The following GMDS variants were observed in gnomAD, a reference collection of about 807,000 sequenced individuals.
The protein encoded by GMDS is GDP-mannose 4,6 dehydratase.
Under a neutral mutation model 49.9 loss-of-function variants are expected in GMDS, and 20 were observed. The observed-to-expected ratio is 0.40, with a 90% CI of 0.28 to 0.58. GMDS has a LOEUF of 0.58. GMDS is among the 20% of genes least tolerant of loss of function. The probability of loss-of-function intolerance (pLI) is 0.42; values close to 1 mark genes in which losing one functional copy is unlikely to be tolerated. For missense variants in GMDS, 362 were observed against 481.4 expected, an observed-to-expected ratio of 0.75 and a Z score of 2.32; for synonymous variants, 177 against 178.6, an observed-to-expected ratio of 0.99 and a Z score of 0.07.
chr6:1,797,257 C>T (rs1237200160), intron 7 of GMDS, among the ~76,000 whole-genome samples: 2 of 152,214 alleles, frequency 1.3e-5, no homozygotes, highest in Non-Finnish European at 2.9e-5. Flanking sequence ...ACAGTTTTGT[C>T]ATGAAAGCGT....
At chr6:1,624,364 C>T (rs1581381320) in intron 10 of GMDS, 108 bp downstream of exon 10, 1 of 1,308,520 alleles carries the variant, frequency 7.6e-7, no homozygotes, top group East Asian at 2.4e-5. Flanking sequence ...CGCACCCCGC[C>T]TTCCGGGCTT....
At chr6:1,773,830 G>T (rs1768680794) in intron 7 of GMDS, among the ~76,000 whole-genome samples, 1 of 152,208 alleles carries the variant, frequency 6.6e-6, no homozygotes, top group Non-Finnish European at 1.5e-5. Flanking sequence ...ACATGAAAGG[G>T]TGTAGACTTG....
chr6:1,820,953 T>C (rs1770862481), intron 7 of GMDS, among the ~76,000 whole-genome samples: 1 of 152,176 alleles, frequency 6.6e-6, no homozygotes. Flanking sequence ...GTCACTAACT[T>C]CTCTATGGCC....
intron 4 of GMDS, among the ~76,000 whole-genome samples, chr6:2,081,208 A>G (rs1172949145): frequency 6.6e-6 from 1 of 152,168 alleles, no homozygotes; most frequent in Non-Finnish European, 1.5e-5. Context: ...CTGTGGTGGA[A>G]AAAAAAACAA....
intron 4 of GMDS, among the ~76,000 whole-genome samples, chr6:2,073,190 G>A (rs1016381917): frequency 1.3e-5 from 2 of 152,136 alleles, no homozygotes; most frequent in Non-Finnish European, 2.9e-5. Flanking sequence ...TCTGGGCCCC[G>A]GAGAGGCACC....
At chr6:1,718,662 A>C (rs1007661044) in intron 9 of GMDS, among the ~76,000 whole-genome samples, 13 of 151,710 alleles carry the variant, frequency 8.6e-5, no homozygotes, top group Admixed American at 5.9e-4. Flanking sequence ...TCTATCTTTA[A>C]ATTTCTTGGT....
At chr6:2,169,086 GA>G (rs1387080016) in intron 1 of GMDS, among the ~76,000 whole-genome samples, 1 of 151,500 alleles carries the variant, frequency 6.6e-6, no homozygotes, top group Non-Finnish European at 1.5e-5. Context: ...TTTCCAGAGG[GA>G]AAAAAAACTA....
chr6:1,887,821 T>C (rs1423339008), intron 7 of GMDS, among the ~76,000 whole-genome samples: 2 of 152,220 alleles, frequency 1.3e-5, no homozygotes, highest in African/African-American at 4.8e-5. Context: ...TGAAATGGTA[T>C]AGTAATTGCA....
chr6:1,712,485 T>C (rs1366836797), intron 9 of GMDS, among the ~76,000 whole-genome samples: 1 of 152,250 alleles, frequency 6.6e-6, no homozygotes, highest in African/African-American at 2.4e-5. Context: ...CTGATATCGA[T>C]GGTTTACATA....
At chr6:1,792,449 T>G (rs1394889182) in intron 7 of GMDS, among the ~76,000 whole-genome samples, 1 of 152,168 alleles carries the variant, frequency 6.6e-6, no homozygotes, top group African/African-American at 2.4e-5. Flanking sequence ...TACTGATCGT[T>G]TCACCTAGAC....
At chr6:2,092,279 C>T (rs1773362999) in intron 4 of GMDS, among the ~76,000 whole-genome samples, 1 of 152,102 alleles carries the variant, frequency 6.6e-6, no homozygotes, top group Non-Finnish European at 1.5e-5. Context: ...CTGTGCTGTT[C>T]CCTGAACCAG....
chr6:2,036,964 C>G (rs1366059894), intron 4 of GMDS, among the ~76,000 whole-genome samples: 1 of 152,134 alleles, frequency 6.6e-6, no homozygotes. Flanking sequence ...CCTGTTGTAC[C>G]TGGAGTTATC....
At chr6:2,066,604 G>C (rs935785710) in intron 4 of GMDS, among the ~76,000 whole-genome samples, 4 of 151,830 alleles carry the variant, frequency 2.6e-5, no homozygotes, top group South Asian at 4.2e-4. Context: ...AAAAGGCAGG[G>C]GTTGCAATCC....
chr6:2,072,903 G>T (rs1345258119), intron 4 of GMDS, among the ~76,000 whole-genome samples: 1 of 152,160 alleles, frequency 6.6e-6, no homozygotes, highest in African/African-American at 2.4e-5. Context: ...ATTTCTATTT[G>T]CTTAAATAAG....
chr6:1,954,590 T>G (rs1413897291), intron 6 of GMDS, among the ~76,000 whole-genome samples: 1 of 152,264 alleles, frequency 6.6e-6, no homozygotes, highest in Non-Finnish European at 1.5e-5. Flanking sequence ...TTGACAACAT[T>G]CACAGCATCT....
chr6:2,228,979 G>A (rs1210489232), intron 1 of GMDS, among the ~76,000 whole-genome samples: 1 of 152,120 alleles, frequency 6.6e-6, no homozygotes, highest in African/African-American at 2.4e-5. Flanking sequence ...TGATTGATGT[G>A]ATGAAGTGGG....
chr6:1,780,846 A>T (rs1237498375), intron 7 of GMDS, among the ~76,000 whole-genome samples: 2 of 152,236 alleles, frequency 1.3e-5, no homozygotes, highest in South Asian at 2.1e-4. Flanking sequence ...TTAATCAGAG[A>T]GACTGAACTG....
intron 9 of GMDS, among the ~76,000 whole-genome samples, chr6:1,669,941 G>A (rs1221130641): frequency 1.3e-4 from 7 of 52,580 alleles, no homozygotes; most frequent in African/African-American, 2.0e-4. Flanking sequence ...AAAAAAAAAA[G>A]CTGTCACCGC....
intron 9 of GMDS, among the ~76,000 whole-genome samples, chr6:1,689,423 A>G (rs144350282): frequency 0.012 from 1,812 of 152,346 alleles, 24 homozygotes; most frequent in Non-Finnish European, 0.018. Flanking sequence ...AATGTCATCT[A>G]GCAATGTAGC....
Sources: gnomAD v4.1 joint callset for allele counts (sites outside exome capture counted in the v4.1 genomes callset) on GRCh38, gnomAD v4.1.1 for gene constraint, MANE v1.5 for transcripts, NCBI Gene and HGNC (gene_info 2026-07-23, HGNC 2026-07-21) for gene names.